The following PDE5A variants were observed in gnomAD, a reference collection of about 807,000 sequenced individuals.
The protein encoded by PDE5A is cGMP-specific 3',5'-cyclic phosphodiesterase.
A neutral mutation model predicts 110.2 loss-of-function variants in PDE5A; 67 were observed. The ratio of observed to expected loss-of-function variants is 0.61; its 90% CI spans 0.50 to 0.75. The LOEUF (loss-of-function observed/expected upper bound fraction) is 0.75, where lower values mean the gene tolerates loss of function less well. PDE5A is among the 30% of genes least tolerant of loss of function. The probability of loss-of-function intolerance (pLI) is 0.00; values close to 1 mark genes in which losing one functional copy is unlikely to be tolerated. For missense variants in PDE5A, 862 were observed against 1,045.1 expected, an observed-to-expected ratio of 0.82 and a Z score of 2.42; for synonymous variants, 328 against 351.2, an observed-to-expected ratio of 0.93 and a Z score of 0.74.
At chr4:119,507,726 G>C (rs747900587) in intron 15 of PDE5A, 22 bp from the exon 16 acceptor site, 1 of 1,476,642 alleles carries the variant, frequency 6.8e-7, no homozygotes, top group Admixed American at 2.0e-5. Flanking sequence ...AAGAAAACCA[G>C]TATTAACATC....
intron 9 of PDE5A, among the ~76,000 whole-genome samples, chr4:119,546,324 A>C (rs1420273041): frequency 1.3e-5 from 2 of 152,132 alleles, no homozygotes; most frequent in Non-Finnish European, 2.9e-5. Context: ...TCTTGGAGAT[A>C]CATAAAATGG....
At position 119,627,935 on chromosome 4, in the gene PDE5A, G is replaced by T; in HGVS notation, c.152+585C>A. 1 of 536,418 alleles carries T rather than the reference G, an allele frequency of 1.9e-6. No homozygotes were observed. The highest frequency in any genetic ancestry group is 2.4e-6 in the Non-Finnish European group (1 of 419,052). 33.2% of individuals were successfully genotyped at this position (536,418 alleles called of 1,614,324 possible). A position where few individuals can be genotyped will look rare whatever the true frequency, so the allele number is the denominator to read the frequency against. ...CACAGCCTTCGGCGGAAAAGCGAGTGAAAGGAGGCGCGCGGGACAAGCAGG... is the reference window on the plus strand; with the variant it reads ...CACAGCCTTCGGCGGAAAAGCGAGTTAAAGGAGGCGCGCGGGACAAGCAGG... On this transcript the variant is annotated intron_variant, in intron 1 of 20. Coordinates refer to ENST00000354960, the MANE Select transcript of PDE5A (RefSeq NM_001083.4). The surrounding 1 kb of genome is among the most constrained non-coding windows in gnomAD (Gnocchi z 4.6).
chr4:119,526,073 C>G (rs1197445412), intron 11 of PDE5A, among the ~76,000 whole-genome samples: 2 of 152,126 alleles, frequency 1.3e-5, no homozygotes, highest in Non-Finnish European at 2.9e-5. Context: ...TCCCAGTGCT[C>G]TGGGCTGCAA....
At chr4:119,541,301 T>G (rs1274507040) in intron 10 of PDE5A, among the ~76,000 whole-genome samples, 1 of 151,392 alleles carries the variant, frequency 6.6e-6, no homozygotes, top group Non-Finnish European at 1.5e-5. Flanking sequence ...AGATTAAAAA[T>G]TATATTTATA....
chr4:119,625,144 C>T (rs6855918), intron 1 of PDE5A, among the ~76,000 whole-genome samples: 47,523 of 151,672 alleles, frequency 0.31, 7,511 homozygotes, highest in East Asian at 0.39. Flanking sequence ...ATTACAGGCG[C>T]GCGCCATACC....
intron 18 of PDE5A, among the ~76,000 whole-genome samples, chr4:119,502,857 A>C (rs1355551316): frequency 6.6e-6 from 1 of 152,142 alleles, no homozygotes; most frequent in African/African-American, 2.4e-5. Flanking sequence ...ACTTAGGTAC[A>C]TCTCTCTGTC....
At position 119,501,257 on chromosome 4, in the gene PDE5A, A is replaced by AAAAT; in HGVS notation, c.2407-8_2407-5dup. ...TCTTCTCCCTGTTCATTAGATCCTG[A>AAAAT]AAATACAAATACAGACCAGACACAC... On this transcript the variant is annotated splice_region_variant and splice_polypyrimidine_tract_variant and intron_variant, in intron 19 of 20. Transcript: ENST00000354960. 6.4e-7 allele frequency: 1 copy of AAAAT among 1,569,328 alleles called. No individual in the cohort carries two copies. Among genetic ancestry groups the AAAAT allele is most frequent in the Non-Finnish European group, 8.8e-7 (1 of 1,139,566 alleles).
At chr4:119,539,081 C>T in intron 10 of PDE5A, 62 bp from the exon 11 acceptor site, 2 of 1,237,878 alleles carry the variant, frequency 1.6e-6, no homozygotes, top group Non-Finnish European at 2.4e-6. Flanking sequence ...TAGACTAGAA[C>T]TTCAAGCTTG....
intron 1 of PDE5A, among the ~76,000 whole-genome samples, chr4:119,616,848 CA>C (rs1277301558): frequency 6.6e-6 from 1 of 151,936 alleles, no homozygotes; most frequent in Non-Finnish European, 1.5e-5. Context: ...TTACACACGG[CA>C]AAAATACAAT....
intron 3 of PDE5A, among the ~76,000 whole-genome samples, chr4:119,592,326 C>T (rs1729000682): frequency 6.6e-6 from 1 of 150,660 alleles, no homozygotes; most frequent in African/African-American, 2.4e-5. Flanking sequence ...GGCGTGGTGG[C>T]GGGCGCCTGT....
At chr4:119,508,710 C>G (rs1725639986) in intron 15 of PDE5A, among the ~76,000 whole-genome samples, 1 of 145,676 alleles carries the variant, frequency 6.9e-6, no homozygotes, top group Non-Finnish European at 1.5e-5. Context: ...GAAAACTATT[C>G]AGAAAATACC....
chr4:119,608,647 A>G (rs1269917023), intron 1 of PDE5A, among the ~76,000 whole-genome samples: 5 of 152,240 alleles, frequency 3.3e-5, no homozygotes, highest in African/African-American at 1.2e-4. Context: ...ATGACGCTTT[A>G]GAAAACTCAA....
intron 3 of PDE5A, among the ~76,000 whole-genome samples, chr4:119,569,403 G>A (rs1220947125): frequency 6.6e-6 from 1 of 151,716 alleles, no homozygotes; most frequent in Non-Finnish European, 1.5e-5. Context: ...TGTATTAGGG[G>A]TAATAGACAC....
chr4:119,521,592 C>T (rs185462040), intron 12 of PDE5A, among the ~76,000 whole-genome samples: 146 of 151,488 alleles, frequency 9.6e-4, no homozygotes, highest in African/African-American at 3.3e-3. Flanking sequence ...AGCACATGTC[C>T]GAGGACAAAT....
chr4:119,606,065 A>G (rs1241830850), intron 2 of PDE5A, among the ~76,000 whole-genome samples: 1 of 152,252 alleles, frequency 6.6e-6, no homozygotes, highest in Non-Finnish European at 1.5e-5. Flanking sequence ...AGAATCTTAC[A>G]GTGTAACCTT....
chr4:119,537,491 A>G (rs1474663180), intron 11 of PDE5A, among the ~76,000 whole-genome samples: 1 of 151,986 alleles, frequency 6.6e-6, no homozygotes, highest in African/African-American at 2.4e-5. Context: ...CCACTGCACT[A>G]TCCTAAATCT....
chr4:119,519,490 T>A (rs1225729419), intron 13 of PDE5A: 3 of 178,154 alleles, frequency 1.7e-5, no homozygotes, highest in African/African-American at 7.0e-5. Context: ...TCCCTGCAGA[T>A]TCTGTTCACT....
chr4:119,611,408 A>G (rs567788456), intron 1 of PDE5A, among the ~76,000 whole-genome samples: 131 of 152,360 alleles, frequency 8.6e-4, no homozygotes, highest in Non-Finnish European at 1.4e-3. Context: ...CTCCTGAAGC[A>G]TCAAAAGGTA....
At chr4:119,594,611 G>T (rs972094416) in intron 3 of PDE5A, among the ~76,000 whole-genome samples, 4 of 152,118 alleles carry the variant, frequency 2.6e-5, no homozygotes, top group Non-Finnish European at 2.9e-5. Flanking sequence ...ACACAATAAT[G>T]ATCAGTCCAT....
Sources: allele counts gnomAD v4.1 joint callset (sites outside exome capture counted in the v4.1 genomes callset), GRCh38; gene constraint gnomAD v4.1.1; non-coding constraint Gnocchi (gnomAD v3.1); transcripts MANE v1.5; gene names NCBI Gene and HGNC (gene_info 2026-07-23, HGNC 2026-07-21).